The following ACER1 variants were observed in gnomAD, a reference collection of about 807,000 sequenced individuals.
ACER1 encodes CTB-180A7.3.
ACER1 carries 28 observed loss-of-function variants against 24.9 expected under a neutral mutation model. That is an observed-to-expected ratio of 1.13 (90% CI 0.83 to 1.54). The LOEUF is 1.54. Ranked by LOEUF, ACER1 falls within the 40% of genes most tolerant of loss-of-function variation. The pLI is 0.00. For missense variants in ACER1, 352 were observed against 349.3 expected (o/e 1.01, Z -0.06); for synonymous variants, 132 against 131.4 (o/e 1.00, Z -0.03).
chr19:6,348,713 A>T, the ACER1 span, among the ~76,000 whole-genome samples: 1 of 152,048 alleles, frequency 6.6e-6, no homozygotes, highest in African/African-American at 2.4e-5. Flanking sequence ...AGATCCTGAG[A>T]AATAATTTGG....
chr19:6,345,621 G>A, the ACER1 span, among the ~76,000 whole-genome samples: 1 of 149,596 alleles, frequency 6.7e-6, no homozygotes, highest in African/African-American at 2.5e-5. Flanking sequence ...CTGGAGTGCA[G>A]TGGTACGATC....
At chr19:6,353,843 CAATAAAAT>C in the ACER1 span, among the ~76,000 whole-genome samples, 5 of 150,750 alleles carry the variant, frequency 3.3e-5, no homozygotes, top group African/African-American at 4.9e-5. Context: ...AAAATAAATA[CAATAAAAT>C]AATAAAATAA....
chr19:6,337,771 G>C (rs2091721019), upstream of ACER1, among the ~76,000 whole-genome samples: 1 of 144,392 alleles, frequency 6.9e-6, no homozygotes, highest in South Asian at 2.2e-4. Flanking sequence ...CGCCTCCTGG[G>C]TTCATGCCAT....
At chr19:6,307,343 G>C in intron 4 of ACER1, 53 bp from the exon 5 acceptor site, 2 of 1,591,284 alleles carry the variant, frequency 1.3e-6, no homozygotes. Context: ...GCACCTGATG[G>C]GGCTGATGGG....
the ACER1 span, among the ~76,000 whole-genome samples, chr19:6,347,109 A>AAAATATATATATAT: frequency 4.0e-4 from 45 of 113,772 alleles, 1 homozygote; most frequent in African/African-American, 2.2e-3. Flanking sequence ...AAAAAAAAAA[A>AAAATATATATATAT]ATATATATAT....
intron 1 of ACER1, among the ~76,000 whole-genome samples, chr19:6,319,382 G>T (rs986905975): frequency 6.6e-6 from 1 of 152,082 alleles, no homozygotes; most frequent in East Asian, 1.9e-4. Flanking sequence ...TCTGCCAGGC[G>T]GGGGAGACAC....
intron 1 of ACER1, among the ~76,000 whole-genome samples, chr19:6,325,663 C>G (rs1348612842): frequency 6.6e-6 from 1 of 152,048 alleles, no homozygotes; most frequent in Non-Finnish European, 1.5e-5. Flanking sequence ...AAAACAAGAA[C>G]AACAACAAAG....
intron 1 of ACER1, among the ~76,000 whole-genome samples, chr19:6,319,235 G>A (rs2091618451): frequency 6.6e-6 from 1 of 152,124 alleles, no homozygotes; most frequent in Non-Finnish European, 1.5e-5. Flanking sequence ...AGAGACTGTG[G>A]GTGGAGATAC....
chr19:6,322,863 C>A (rs1323992598), intron 1 of ACER1, among the ~76,000 whole-genome samples: 1 of 152,080 alleles, frequency 6.6e-6, no homozygotes, highest in African/African-American at 2.4e-5. Context: ...GTAATCCCAG[C>A]ACTTTGGGAG....
At chr19:6,347,697 G>A in the ACER1 span, among the ~76,000 whole-genome samples, 2 of 152,008 alleles carry the variant, frequency 1.3e-5, no homozygotes, top group Non-Finnish European at 2.9e-5. Flanking sequence ...TTAGCCGGGC[G>A]TGGTGGCAGG....
the ACER1 span, among the ~76,000 whole-genome samples, chr19:6,358,904 G>T: frequency 7.3e-6 from 1 of 136,434 alleles, no homozygotes. Context: ...TTGCACTCCA[G>T]CCTGGGCAAC....
At position 6,333,429 on chromosome 19, in the gene ACER1, C is replaced by A. The variant is rs150017787; in HGVS notation, c.93+30G>T. ...AACCGGGATTCGAACCGGCATCTGG[C>A]GAGACTCCTTCACACACCCACGCAC... On this transcript the variant is annotated intron_variant, in intron 1 of 5. Transcript: ENST00000301452. The A allele has an allele frequency of 8.6e-4, 1,320 of 1,528,778 alleles. 8 individuals are homozygous for A. The African/African-American group carries it at 0.015, about 18-fold the overall frequency. 94.7% of individuals were successfully genotyped at this position (1,528,778 alleles called of 1,614,324 possible).
chr19:6,330,630 G>A lies in ACER1; in HGVS notation c.93+2829C>T, dbSNP rs1019585399. 4.0e-5 allele frequency among the ~76,000 whole-genome samples: 6 copies of A among 150,006 alleles called. 1 individual carries two copies. The highest frequency in any genetic ancestry group is 1.5e-4 in the African/African-American group (6 of 39,626). On this transcript the variant is annotated intron_variant, in intron 1 of 5. Transcript: ENST00000301452. ...CCAGCCTCTCAGTGCCTTCTGCAAGGGCTCTCATCTGGGTGCAGGATGAAA... is the reference window on the plus strand; with the variant it reads ...CCAGCCTCTCAGTGCCTTCTGCAAGAGCTCTCATCTGGGTGCAGGATGAAA...
the ACER1 span, among the ~76,000 whole-genome samples, chr19:6,354,214 G>GTAAA: frequency 9.9e-5 from 15 of 151,244 alleles, no homozygotes; most frequent in Admixed American, 6.0e-4. Flanking sequence ...AAATAAATAA[G>GTAAA]TAAATAAATA....
At chr19:6,317,274 CCA>C (rs1486386902) in intron 1 of ACER1, among the ~76,000 whole-genome samples, 1 of 152,076 alleles carries the variant, frequency 6.6e-6, no homozygotes, top group African/African-American at 2.4e-5. Context: ...GCACCCAGCC[CCA>C]GTTATTCCTT....
chr19:6,316,231 C>T (rs755765062), intron 1 of ACER1, among the ~76,000 whole-genome samples: 10 of 152,092 alleles, frequency 6.6e-5, no homozygotes, highest in Non-Finnish European at 8.8e-5. Context: ...GACAAGAGTT[C>T]GCAACCAGCC....
chr19:6,306,610 G>T lies in ACER1; in HGVS notation c.*104C>A. The T allele has an allele frequency of 7.3e-7, 1 of 1,375,640 alleles. No homozygotes were observed. The highest frequency in any genetic ancestry group is 9.9e-7 in the Non-Finnish European group (1 of 1,012,282). The allele number at this position is 1,375,640 out of a possible 1,614,324, so 85.2% of individuals were successfully genotyped here. A position where few individuals can be genotyped will look rare whatever the true frequency, so the allele number is the denominator to read the frequency against. ...GGAGGACACGGAAGGGGAAACAGAG[G>T]AAGGAACCACGAGTGTCCCGCAGGT... On this transcript the variant is annotated 3_prime_UTR_variant, in exon 6 of 6. Coordinates refer to ENST00000301452, the MANE Select transcript of ACER1 (RefSeq NM_133492.3).
chr19:6,339,667 T>C, the ACER1 span, among the ~76,000 whole-genome samples: 1 of 151,848 alleles, frequency 6.6e-6, no homozygotes, highest in Admixed American at 6.6e-5. Flanking sequence ...AGGGTTTTTG[T>C]TTTTGTTTTT....
intron 4 of ACER1, among the ~76,000 whole-genome samples, chr19:6,308,066 G>C (rs1340733833): frequency 6.6e-6 from 1 of 151,648 alleles, no homozygotes; most frequent in Non-Finnish European, 1.5e-5. Context: ...CTGGGTGACA[G>C]AGTGAGACTC....
Sources: allele counts gnomAD v4.1 joint callset (sites outside exome capture counted in the v4.1 genomes callset), GRCh38; gene constraint gnomAD v4.1.1; transcripts MANE v1.5; gene names NCBI Gene and HGNC (gene_info 2026-07-23, HGNC 2026-07-21).